VPS13C: variants seen among roughly 807,000 people sequenced by gnomAD.
The protein encoded by VPS13C is vacuolar protein sorting 13 homolog C.
VPS13C carries 358 observed loss-of-function variants against 456.8 expected under a neutral mutation model. That is an observed-to-expected ratio of 0.78 (90% CI 0.72 to 0.86). The LOEUF (loss-of-function observed/expected upper bound fraction) is 0.86. VPS13C is among the 40% of genes least tolerant of loss of function. The pLI is 0.00. For missense variants in VPS13C, 4,818 were observed against 4,385.4 expected (o/e 1.10, Z -2.79); for synonymous variants, 1,578 against 1,486.7 (o/e 1.06, Z -1.41).
In VPS13C at chr15:61,961,413, AC is replaced by A. The variant is rs879617557; in HGVS notation, c.3908+175del. Among the ~76,000 whole-genome samples the A allele has an allele frequency of 9.7e-4, 126 of 129,882 alleles. 2 individuals carry two copies. In the East Asian group the frequency reaches 0.011, roughly 11 times the overall value. 85.2% of individuals were successfully genotyped at this position (129,882 alleles called of 152,430 possible). On this transcript the variant is annotated intron_variant, in intron 35 of 84. Transcript: ENST00000644861. ...ACTCAAAACACACACACACACACACACACACACACACACACACACACACACA... is the reference window on the plus strand; with the variant it reads ...ACTCAAAACACACACACACACACACAACACACACACACACACACACACACA...
chr15:61,916,199 C>T (rs934347445), intron 60 of VPS13C, among the ~76,000 whole-genome samples, 177 bp from the exon 61 acceptor site: 5 of 152,074 alleles, frequency 3.3e-5, no homozygotes, highest in South Asian at 2.1e-4. Flanking sequence ...AAAAAGAAAA[C>T]GCTACACCAT....
chr15:61,898,800 AT>A (rs1566980329), intron 66 of VPS13C, among the ~76,000 whole-genome samples: 1 of 99,222 alleles, frequency 1.0e-5, no homozygotes, highest in Non-Finnish European at 2.1e-5. Flanking sequence ...CAGAATATAC[AT>A]TTTTTTCAGC....
chr15:61,950,670 T>C (rs901273776), intron 40 of VPS13C, among the ~76,000 whole-genome samples: 2 of 151,880 alleles, frequency 1.3e-5, no homozygotes, highest in African/African-American at 4.8e-5. Context: ...CTAGATTAGG[T>C]ACACTAATCT....
chr15:61,998,936 A>C (rs1211661119), intron 16 of VPS13C, among the ~76,000 whole-genome samples: 2 of 152,178 alleles, frequency 1.3e-5, no homozygotes, highest in African/African-American at 4.8e-5. Flanking sequence ...TAATTTTCTT[A>C]ATAACATTTT....
chr15:61,931,294 C>A (rs750531037), intron 49 of VPS13C, 35 bp from the exon 50 acceptor site: 21 of 1,553,110 alleles, frequency 1.4e-5, no homozygotes, highest in Non-Finnish European at 1.7e-5. Flanking sequence ...GAATCAATTA[C>A]CTTTAAATAT....
chr15:62,055,368 C>T (rs1037164599), intron 1 of VPS13C, among the ~76,000 whole-genome samples: 27 of 151,644 alleles, frequency 1.8e-4, no homozygotes, highest in Admixed American at 4.6e-4. Context: ...ACTGGGACTA[C>T]AGGCGCCTGC....
chr15:61,990,892 G>C (rs547070831), intron 18 of VPS13C, 108 bp downstream of exon 18: 2 of 707,374 alleles, frequency 2.8e-6, no homozygotes, highest in Non-Finnish European at 4.8e-6. Flanking sequence ...AAGTAGCAGA[G>C]TGGAATTAAT....
intron 6 of VPS13C, among the ~76,000 whole-genome samples, chr15:62,027,376 G>A (rs996811439): frequency 6.6e-6 from 1 of 152,094 alleles, no homozygotes; most frequent in African/African-American, 2.4e-5. Flanking sequence ...AGTGAGCCAT[G>A]AGTATCTCCA....
chr15:62,036,657 A>G (rs193058371), intron 3 of VPS13C, among the ~76,000 whole-genome samples: 1 of 152,066 alleles, frequency 6.6e-6, no homozygotes, highest in Non-Finnish European at 1.5e-5. Flanking sequence ...CTTGGTGAGC[A>G]TAAGACAGAA....
chr15:61,980,214 G>C (rs77824076), intron 22 of VPS13C, among the ~76,000 whole-genome samples: 1 of 112,474 alleles, frequency 8.9e-6, no homozygotes, highest in African/African-American at 3.4e-5. Context: ...AAAAAAAAAA[G>C]AGAGAGAGAG....
chr15:61,917,040 T>C (rs576760008), intron 60 of VPS13C, among the ~76,000 whole-genome samples: 40 of 152,244 alleles, frequency 2.6e-4, no homozygotes, highest in African/African-American at 8.9e-4. Flanking sequence ...TATGGGACCT[T>C]GAGCCAGTCA....
intron 36 of VPS13C, 35 bp downstream of exon 36, chr15:61,959,413 C>A: frequency 6.6e-7 from 1 of 1,515,512 alleles, no homozygotes; most frequent in South Asian, 1.3e-5. Flanking sequence ...TTTAAAATTT[C>A]AACAATGAAG....
chr15:62,059,316 T>C (rs2048910041), intron 1 of VPS13C, among the ~76,000 whole-genome samples: 1 of 152,220 alleles, frequency 6.6e-6, no homozygotes, highest in Admixed American at 6.5e-5. Flanking sequence ...TCTATAGCTA[T>C]TTGTTGTTGC....
In VPS13C at chr15:61,865,723, T is replaced by C. The variant is rs576628547; in HGVS notation, c.10864-2195A>G. 4 of 464,992 alleles carry C rather than the reference T, an allele frequency of 8.6e-6. No individual in the cohort carries two copies. In the South Asian group the frequency reaches 2.8e-4, roughly 32 times the overall value. 28.8% of individuals were successfully genotyped at this position (464,992 alleles called of 1,614,324 possible). ...GTGTGTATATGTATGTGTGTATATA[T>C]GTGTTTGTGTGTATGTATATCTGTA... On this transcript the variant is annotated intron_variant, in intron 81 of 84. Transcript: ENST00000644861.
chr15:62,011,963 A>T (rs186835780), intron 12 of VPS13C, 144 bp downstream of exon 12: 238 of 533,532 alleles, frequency 4.5e-4, no homozygotes, highest in African/African-American at 3.5e-3. Flanking sequence ...AATAAGTTAT[A>T]ACCCAAACAT....
chr15:62,028,243 T>A, intron 6 of VPS13C, 115 bp downstream of exon 6: 1 of 1,085,758 alleles, frequency 9.2e-7, no homozygotes, highest in Non-Finnish European at 1.4e-6. Context: ...AAACAAAAAT[T>A]GCATTTCCAT....
chr15:62,020,560 CA>C, intron 8 of VPS13C, 22 bp from the exon 9 acceptor site: 2 of 1,608,646 alleles, frequency 1.2e-6, no homozygotes, highest in South Asian at 2.2e-5. Flanking sequence ...GAAAAGATAA[CA>C]GTAAAATATG....
At chr15:62,003,116 G>C (rs1446698460) in intron 15 of VPS13C, among the ~76,000 whole-genome samples, 1 of 151,950 alleles carries the variant, frequency 6.6e-6, no homozygotes, top group East Asian at 1.9e-4. Flanking sequence ...GGGCAGTATG[G>C]CCATTTTCAT....
rs146695563 is a variant in VPS13C, at chr15:61,929,356, T to C, written c.6286+145A>G. 417 of 1,205,524 alleles carry C rather than the reference T, an allele frequency of 3.5e-4. 4 individuals carry two copies. In the East Asian group the frequency reaches 0.01, roughly 30 times the overall value. The allele number at this position is 1,205,524 out of a possible 1,614,324, so 74.7% of individuals were successfully genotyped here. On this transcript the variant is annotated intron_variant, in intron 51 of 84. Coordinates refer to ENST00000644861, the MANE Select transcript of VPS13C (RefSeq NM_020821.3). ...CTCTCTTAAAAATGTTTTAAAAAAC[T>C]AAAAAGCTAAAGTTTTTATATAGAA...
Sources: allele counts gnomAD v4.1 joint callset (sites outside exome capture counted in the v4.1 genomes callset), GRCh38; gene constraint gnomAD v4.1.1; transcripts MANE v1.5; gene names NCBI Gene and HGNC (gene_info 2026-07-23, HGNC 2026-07-21).